CRPPA: variants seen among roughly 807,000 people sequenced by gnomAD.
The protein encoded by CRPPA is CDP-L-ribitol pyrophosphorylase A.
CRPPA carries 43 observed loss-of-function variants against 52.0 expected under a neutral mutation model. The ratio of observed to expected loss-of-function variants is 0.83; its 90% CI spans 0.65 to 1.07. The LOEUF (loss-of-function observed/expected upper bound fraction) is 1.07, where lower values mean the gene tolerates loss of function less well. Ranked by LOEUF, CRPPA falls within the 50% of genes least tolerant of loss-of-function variation. The pLI, the probability that CRPPA is intolerant of heterozygous loss-of-function variation, is 0.00. For synonymous variants in CRPPA, 250 were observed against 203.5 expected (o/e 1.23, Z -1.94); for missense variants, 629 against 551.7 (o/e 1.14, Z -1.40).
At chr7:16,353,683 C>G (rs955517291) in intron 3 of CRPPA, among the ~76,000 whole-genome samples, 26 of 151,930 alleles carry the variant, frequency 1.7e-4, no homozygotes, top group Admixed American at 1.2e-3. Context: ...AACCCTGTCT[C>G]TACTAAAAAT....
chr7:16,188,817 A>T (rs1781553608), intron 9 of CRPPA, among the ~76,000 whole-genome samples: 2 of 152,204 alleles, frequency 1.3e-5, no homozygotes, highest in Admixed American at 1.3e-4. Flanking sequence ...GAAGAGCAGC[A>T]TGGGAACTCT....
intron 9 of CRPPA, among the ~76,000 whole-genome samples, chr7:16,157,889 T>G (rs1463886142): frequency 6.6e-6 from 1 of 152,032 alleles, no homozygotes; most frequent in African/African-American, 2.4e-5. Flanking sequence ...TTTTTATTTT[T>G]TTTGAGACCG....
intron 1 of CRPPA, among the ~76,000 whole-genome samples, chr7:16,417,591 C>T (rs1788225341): frequency 6.6e-6 from 1 of 152,098 alleles, no homozygotes; most frequent in South Asian, 2.1e-4. Flanking sequence ...ACAATGGGTA[C>T]TCATGGACAT....
intron 9 of CRPPA, among the ~76,000 whole-genome samples, chr7:16,172,294 G>A (rs1583406998): frequency 6.6e-6 from 1 of 152,178 alleles, no homozygotes; most frequent in East Asian, 1.9e-4. Flanking sequence ...AGGGGAAAGT[G>A]CAGCTATCAG....
At chr7:16,394,123 G>A (rs1440145521) in intron 2 of CRPPA, among the ~76,000 whole-genome samples, 1 of 152,090 alleles carries the variant, frequency 6.6e-6, no homozygotes, top group Non-Finnish European at 1.5e-5. Context: ...GCATCATCTA[G>A]TAAAGCTGAT....
intron 9 of CRPPA, chr7:16,209,061 G>C (rs943864125): frequency 1.4e-4 from 57 of 408,304 alleles, no homozygotes; most frequent in East Asian, 5.8e-4. Flanking sequence ...AGGGGAAGTG[G>C]TGTTATGACA....
rs111639189 is a variant in CRPPA at position 16,089,140 on chromosome 7, T to C, written c.*2555A>G. 89 of 255,010 alleles carry C rather than the reference T, an allele frequency of 3.5e-4. No homozygotes were observed. Among genetic ancestry groups the C allele is most frequent in the African/African-American group, 1.8e-3 (85 of 46,498 alleles). 15.8% of individuals were successfully genotyped at this position (255,010 alleles called of 1,614,324 possible). A position where few individuals can be genotyped will look rare whatever the true frequency, so the allele number is the denominator to read the frequency against. On this transcript the variant is annotated 3_prime_UTR_variant, in exon 10 of 10. Transcript: ENST00000407010. ...TGTGCAGATATATATACATATAAAA[T>C]ACATATACATAAAACATAAAAATAC...
chr7:16,092,308 T>C (rs761891038), intron 9 of CRPPA, among the ~76,000 whole-genome samples: 4 of 152,198 alleles, frequency 2.6e-5, no homozygotes, highest in Non-Finnish European at 4.4e-5. Context: ...TGAAATCATA[T>C]TGCCTGTAAG....
intron 9 of CRPPA, among the ~76,000 whole-genome samples, chr7:16,116,059 T>C (rs1436911979): frequency 6.6e-6 from 1 of 152,212 alleles, no homozygotes; most frequent in African/African-American, 2.4e-5. Flanking sequence ...TGTAATGGTA[T>C]GATTAAAAAT....
intron 5 of CRPPA, among the ~76,000 whole-genome samples, chr7:16,289,154 G>A (rs1481578915): frequency 6.6e-6 from 1 of 151,988 alleles, no homozygotes; most frequent in Admixed American, 6.6e-5. Flanking sequence ...GATCGAAAGA[G>A]GAGGAAATAG....
chr7:16,089,400 A>AT lies in CRPPA; in HGVS notation c.*2294_*2295insA, dbSNP rs541517597. On this transcript the variant is annotated 3_prime_UTR_variant, in exon 10 of 10. Coordinates refer to ENST00000407010, the MANE Select transcript of CRPPA (RefSeq NM_001101426.4). ...TATATACGTATATATGTATGTACAT[A>AT]ATGTGTATATATGTACGTACATACA... 479 of 362,420 alleles carry AT rather than the reference A, an allele frequency of 1.3e-3. 21 individuals are homozygous for AT. The highest frequency in any genetic ancestry group is 9.9e-3 in the African/African-American group (440 of 44,364). The allele number at this position is 362,420 out of a possible 1,614,324, so 22.5% of individuals were successfully genotyped here.
chr7:16,147,880 T>A (rs529252545), intron 9 of CRPPA, among the ~76,000 whole-genome samples: 1 of 152,294 alleles, frequency 6.6e-6, no homozygotes, highest in South Asian at 2.1e-4. Context: ...AGGATTTTCA[T>A]CCTGTTTATT....
At chr7:16,330,791 C>T (rs930741173) in intron 3 of CRPPA, among the ~76,000 whole-genome samples, 4 of 152,000 alleles carry the variant, frequency 2.6e-5, no homozygotes, top group Non-Finnish European at 4.4e-5. Flanking sequence ...CAAGGTCTAC[C>T]CTGAGGAGAC....
At chr7:16,250,145 G>A (rs897099067) in intron 8 of CRPPA, among the ~76,000 whole-genome samples, 44 of 152,238 alleles carry the variant, frequency 2.9e-4, no homozygotes, top group African/African-American at 1.1e-3. Context: ...ATTACTTAAT[G>A]AAATAAAGCG....
intron 9 of CRPPA, among the ~76,000 whole-genome samples, chr7:16,188,849 T>C (rs1376302524): frequency 6.6e-6 from 1 of 152,228 alleles, no homozygotes; most frequent in African/African-American, 2.4e-5. Context: ...AATCCAAATG[T>C]ATTTTATTAA....
chr7:16,254,630 C>T (rs1400826492), intron 8 of CRPPA, among the ~76,000 whole-genome samples: 2 of 151,662 alleles, frequency 1.3e-5, no homozygotes, highest in African/African-American at 4.9e-5. Flanking sequence ...GGAGAAATAC[C>T]TAATGTAAAC....
chr7:16,182,140 A>C (rs190117061), intron 9 of CRPPA, among the ~76,000 whole-genome samples: 212 of 152,182 alleles, frequency 1.4e-3, no homozygotes, highest in Non-Finnish European at 2.4e-3. Context: ...TCTGGCTGAA[A>C]TACGTTGTTT....
At chr7:16,341,207 A>G (rs1027299448) in intron 3 of CRPPA, among the ~76,000 whole-genome samples, 2 of 152,126 alleles carry the variant, frequency 1.3e-5, no homozygotes, top group Non-Finnish European at 2.9e-5. Flanking sequence ...TGAAACATAG[A>G]ACACCAAGAG....
At chr7:16,202,782 AT>A (rs1055028756) in intron 9 of CRPPA, among the ~76,000 whole-genome samples, 4 of 152,282 alleles carry the variant, frequency 2.6e-5, no homozygotes, top group African/African-American at 9.6e-5. Flanking sequence ...TAAACAAACT[AT>A]TTTTTGTGAA....
Sources: gnomAD v4.1 joint callset for allele counts (sites outside exome capture counted in the v4.1 genomes callset) on GRCh38, gnomAD v4.1.1 for gene constraint, MANE v1.5 for transcripts, NCBI Gene and HGNC (gene_info 2026-07-23, HGNC 2026-07-21) for gene names.